Variants in AMOTL1 observed in about 807,000 individuals in gnomAD.
AMOTL1 encodes the protein angiomotin-like protein 1.
AMOTL1 carries 45 observed loss-of-function variants against 102.9 expected under a neutral mutation model. That is an observed-to-expected ratio of 0.44 (90% CI 0.34 to 0.56). AMOTL1 has a LOEUF of 0.56. Ranked by LOEUF, AMOTL1 falls within the 20% of genes least tolerant of loss-of-function variation. The probability of loss-of-function intolerance (pLI) is 0.01; values close to 1 mark genes in which losing one functional copy is unlikely to be tolerated. For synonymous variants in AMOTL1, 481 were observed against 484.7 expected (o/e 0.99, Z 0.10); for missense variants, 1,114 against 1,225.6 (o/e 0.91, Z 1.36).
chr11:94,729,996 AATGAG>A (rs1267986712), intron 2 of AMOTL1, among the ~76,000 whole-genome samples: 2 of 152,158 alleles, frequency 1.3e-5, no homozygotes. Flanking sequence ...TGCTTCACAC[AATGAG>A]ATAGTCGCCA....
Position 94,859,713 on chromosome 11 carries a change from G to A in AMOTL1, c.2133G>A (p.Glu711=), listed in dbSNP as rs1405431643. 6.2e-7 allele frequency: 1 copy of A among 1,606,058 alleles called. No homozygotes were observed. The highest frequency in any genetic ancestry group is 8.5e-7 in the Non-Finnish European group (1 of 1,175,708). ...AMNAAATAAA[E]RDTTIINHSR... is the part of the protein sequence containing the mutation. ...ATGCCGCAGCCACTGCAGCAGCTGAGAGGTGAGACCAGTGGAACTCTGGTG... is the reference window on the plus strand; with the variant it reads ...ATGCCGCAGCCACTGCAGCAGCTGAAAGGTGAGACCAGTGGAACTCTGGTG... The change falls in exon 9 of 13, where the codon GAG becomes GAA. Residue 711 remains glutamate (E), a splice_region_variant and synonymous_variant. Coordinates refer to ENST00000433060, the MANE Select transcript of AMOTL1 (RefSeq NM_130847.3).
intron 6 of AMOTL1, among the ~76,000 whole-genome samples, chr11:94,833,595 A>G (rs1952117033): frequency 6.6e-6 from 1 of 152,186 alleles, no homozygotes; most frequent in African/African-American, 2.4e-5. Context: ...ATATTCACCA[A>G]TGTTTTCTTC....
upstream of AMOTL1, among the ~76,000 whole-genome samples, chr11:94,768,064 G>T (rs1481040683): frequency 6.6e-6 from 1 of 152,212 alleles, no homozygotes; most frequent in Non-Finnish European, 1.5e-5. Context: ...GGGGAAGGAA[G>T]ACAAAGTGGA....
At position 94,871,773 on chromosome 11, in the gene AMOTL1, C is replaced by CT. The variant is rs1565391775; in HGVS notation, c.*984dup. The CT allele has an allele frequency of 6.6e-6, 1 of 152,154 alleles. No homozygotes were observed. Among genetic ancestry groups the CT allele is most frequent in the Non-Finnish European group, 1.5e-5 (1 of 68,034 alleles). 9.4% of individuals were successfully genotyped at this position (152,154 alleles called of 1,614,324 possible). On this transcript the variant is annotated 3_prime_UTR_variant, in exon 13 of 13. Transcript: ENST00000433060. ...TATTGCATTAAGATCGTGGCACTTG[C>CT]TTTTTTGTCTTTCACATCGGCTGTC... is the stretch of plus-strand genomic sequence containing the variant.
At chr11:94,771,264 G>GA (rs201239180) in intron 1 of AMOTL1, among the ~76,000 whole-genome samples, 3 of 144,924 alleles carry the variant, frequency 2.1e-5, no homozygotes, top group Non-Finnish European at 3.0e-5. Context: ...GGGGTTGGGG[G>GA]GGGGGTGCGG....
chr11:94,829,452 C>T (rs967095784), intron 4 of AMOTL1, among the ~76,000 whole-genome samples: 6 of 152,056 alleles, frequency 3.9e-5, no homozygotes, highest in African/African-American at 1.5e-4. Flanking sequence ...AACTCCTGAC[C>T]TCAGGTGATC....
chr11:94,758,864 G>C (rs1950759350), intron 3 of AMOTL1, among the ~76,000 whole-genome samples: 1 of 152,006 alleles, frequency 6.6e-6, no homozygotes, highest in Admixed American at 6.5e-5. Flanking sequence ...GTTGACTGTG[G>C]GTGGTCTCCA....
chr11:94,778,091 C>A (rs532350937), intron 1 of AMOTL1, among the ~76,000 whole-genome samples: 122 of 152,288 alleles, frequency 8.0e-4, no homozygotes, highest in African/African-American at 2.8e-3. Flanking sequence ...AGAAAGGATT[C>A]ATAACTGTCT....
intron 9 of AMOTL1, among the ~76,000 whole-genome samples, chr11:94,862,288 T>C (rs1364595841): frequency 6.6e-6 from 1 of 152,216 alleles, no homozygotes. Flanking sequence ...CAGAATTGCT[T>C]TTTTCTTTTC....
intron 4 of AMOTL1, among the ~76,000 whole-genome samples, chr11:94,823,719 CT>C (rs56265520): frequency 0.012 from 1,749 of 141,566 alleles, 10 homozygotes; most frequent in Admixed American, 0.024. Context: ...TTAACATGTA[CT>C]TTTTTTTTTT....
rs368549457 is a variant in AMOTL1, at chr11:94,706,769, T to C, written c.-51+172T>C. On this transcript the variant is annotated intron_variant, in intron 1 of 4. Transcript: ENST00000299004. ...CCCCACCTGGTGGGGTGGCAGACCA[T>C]GGCTAGGCGAAGTCAGCTTTGAGCT... Among the ~76,000 whole-genome samples, 153 of 152,306 alleles carry C rather than the reference T, an allele frequency of 1.0e-3. No individual in the cohort carries two copies. The South Asian group carries it at 0.031, about 31-fold the overall frequency.
chr11:94,722,800 G>C (rs1427418361), intron 1 of AMOTL1, among the ~76,000 whole-genome samples: 1 of 152,086 alleles, frequency 6.6e-6, no homozygotes, highest in Non-Finnish European at 1.5e-5. Context: ...TCTCCAGTTG[G>C]CATCTGATTT....
rs371617350 is a variant in AMOTL1, at chr11:94,859,520, T to G, written c.1945-5T>G. 2.5e-6 allele frequency: 4 copies of G among 1,609,868 alleles called. No individual in the cohort carries two copies. The African/African-American group carries it at 4.0e-5, about 16-fold the overall frequency. On this transcript the variant is annotated splice_region_variant and splice_polypyrimidine_tract_variant and intron_variant, in intron 8 of 12. Transcript: ENST00000433060. ...AGCATCAAGATTTTTTTTCTACTCC[T>G]TCAGAAACATGGAAATGGCCAGCCA...
chr11:94,743,879 G>A lies in AMOTL1; in HGVS notation c.136+2891G>A, dbSNP rs900563045. 2.1e-4 allele frequency among the ~76,000 whole-genome samples: 32 copies of A among 151,828 alleles called. 1 individual carries two copies. Among genetic ancestry groups the A allele is most frequent in the Non-Finnish European group, 2.9e-5 (2 of 67,964 alleles). ...TTGCCATGTTAGCCAGGCTGGTCTC[G>A]AACTCCTGACCTCTGGTGATCTGCC... On this transcript the variant is annotated intron_variant, in intron 3 of 4. Coordinates refer to the AMOTL1 transcript ENST00000299004.
upstream of AMOTL1, among the ~76,000 whole-genome samples, chr11:94,765,410 GTC>G (rs1281454293): frequency 6.6e-6 from 1 of 152,156 alleles, no homozygotes; most frequent in Non-Finnish European, 1.5e-5. Flanking sequence ...GAAATTCAGA[GTC>G]TTTTTTTGCA....
intron 6 of AMOTL1, among the ~76,000 whole-genome samples, chr11:94,842,103 TC>T (rs1226937930): frequency 6.6e-6 from 1 of 152,210 alleles, no homozygotes; most frequent in Non-Finnish European, 1.5e-5. Flanking sequence ...TTGTTACTTT[TC>T]AGTAACAAGT....
chr11:94,854,641 T>C (rs1353794704), intron 8 of AMOTL1, among the ~76,000 whole-genome samples: 1 of 151,846 alleles, frequency 6.6e-6, no homozygotes, highest in Non-Finnish European at 1.5e-5. Context: ...ATGCAAGAGA[T>C]CAGGGAGAGA....
At chr11:94,761,785 C>T (rs1950796677) in intron 3 of AMOTL1, among the ~76,000 whole-genome samples, 2 of 152,248 alleles carry the variant, frequency 1.3e-5, no homozygotes, top group East Asian at 1.9e-4. Context: ...AGAATTTCCC[C>T]ACTTCTCTGT....
chr11:94,805,710 T>C (rs1951556743), intron 3 of AMOTL1, among the ~76,000 whole-genome samples: 1 of 152,194 alleles, frequency 6.6e-6, no homozygotes, highest in Non-Finnish European at 1.5e-5. Flanking sequence ...GTGGTAACTG[T>C]TTATTAATAT....
Sources: allele counts gnomAD v4.1 joint callset (sites outside exome capture counted in the v4.1 genomes callset), GRCh38; gene constraint gnomAD v4.1.1; transcripts MANE v1.5; gene names NCBI Gene and HGNC (gene_info 2026-07-23, HGNC 2026-07-21).